Variants in ZNF385B observed in about 807,000 individuals in gnomAD.
ZNF385B encodes zinc finger protein 533.
ZNF385B carries 23 observed loss-of-function variants against 39.2 expected under a neutral mutation model. The ratio of observed to expected loss-of-function variants is 0.59; its 90% CI spans 0.42 to 0.83. The LOEUF is 0.83. ZNF385B is among the 40% of genes least tolerant of loss of function. The probability of loss-of-function intolerance (pLI) is 0.00; values close to 1 mark genes in which losing one functional copy is unlikely to be tolerated. For missense variants in ZNF385B, 552 were observed against 598.9 expected, an observed-to-expected ratio of 0.92 and a Z score of 0.82; for synonymous variants, 205 against 222.6, an observed-to-expected ratio of 0.92 and a Z score of 0.70.
At chr2:179,508,897 C>T (rs184913246) in intron 5 of ZNF385B, among the ~76,000 whole-genome samples, 1 of 151,238 alleles carries the variant, frequency 6.6e-6, no homozygotes, top group Non-Finnish European at 1.5e-5. Flanking sequence ...TGTATATTTC[C>T]TTGTTAGTTA....
At chr2:179,751,885 C>A (rs1702698460) in intron 3 of ZNF385B, among the ~76,000 whole-genome samples, 1 of 152,084 alleles carries the variant, frequency 6.6e-6, no homozygotes, top group Non-Finnish European at 1.5e-5. Flanking sequence ...AAAATCTACT[C>A]AAGCTCATTT....
chr2:179,707,366 C>T (rs1699684965), intron 3 of ZNF385B, among the ~76,000 whole-genome samples: 1 of 152,134 alleles, frequency 6.6e-6, no homozygotes, highest in Non-Finnish European at 1.5e-5. Flanking sequence ...TCTATGATGC[C>T]AATAATGAGG....
At chr2:179,775,866 C>T (rs1331600712) in intron 1 of ZNF385B, among the ~76,000 whole-genome samples, 2 of 152,220 alleles carry the variant, frequency 1.3e-5, no homozygotes, top group African/African-American at 4.8e-5. Flanking sequence ...GACACAGCTG[C>T]TTCTCTGCAA....
At chr2:179,706,463 C>T (rs1210781399) in intron 3 of ZNF385B, among the ~76,000 whole-genome samples, 1 of 152,044 alleles carries the variant, frequency 6.6e-6, no homozygotes, top group Admixed American at 6.6e-5. Flanking sequence ...CAAAGAAAAT[C>T]CTATGAGCAT....
chr2:179,739,869 G>A (rs560303101), intron 3 of ZNF385B, among the ~76,000 whole-genome samples: 2 of 152,184 alleles, frequency 1.3e-5, no homozygotes, highest in African/African-American at 4.8e-5. Flanking sequence ...TACTGCAAGA[G>A]TGGTATTCAT....
chr2:179,725,145 C>A (rs184365322), intron 3 of ZNF385B, among the ~76,000 whole-genome samples: 1 of 151,878 alleles, frequency 6.6e-6, no homozygotes, highest in Non-Finnish European at 1.5e-5. Context: ...AGATCAGGAG[C>A]CACAGCTATT....
chr2:179,775,433 T>C (rs1166290631), intron 1 of ZNF385B, among the ~76,000 whole-genome samples: 1 of 152,218 alleles, frequency 6.6e-6, no homozygotes, highest in Non-Finnish European at 1.5e-5. Context: ...CCAAAATACT[T>C]TGAACTTCTT....
At chr2:179,509,070 C>T (rs981262717) in intron 5 of ZNF385B, among the ~76,000 whole-genome samples, 3 of 151,848 alleles carry the variant, frequency 2.0e-5, no homozygotes, top group Non-Finnish European at 2.9e-5. Flanking sequence ...CCTCAGCCTC[C>T]CAAGTAGCTG....
intron 3 of ZNF385B, among the ~76,000 whole-genome samples, chr2:179,697,528 C>T: frequency 6.6e-6 from 1 of 152,114 alleles, no homozygotes; most frequent in Non-Finnish European, 1.5e-5. Flanking sequence ...AACCTTTTTC[C>T]TTTATAAATT....
intron 3 of ZNF385B, among the ~76,000 whole-genome samples, chr2:179,739,562 T>C (rs1701968598): frequency 6.6e-6 from 1 of 152,212 alleles, no homozygotes; most frequent in Admixed American, 6.5e-5. Flanking sequence ...TAGTTTATTT[T>C]TACTTCAGTT....
chr2:179,486,917 AAAAAAACAAAAAAC>A (rs1286562633), intron 5 of ZNF385B, among the ~76,000 whole-genome samples: 2 of 152,202 alleles, frequency 1.3e-5, no homozygotes, highest in African/African-American at 4.8e-5. Context: ...CTCCGTCTCA[AAAAAAACAAAAAAC>A]AAAAAACAAA....
At chr2:179,622,433 C>T (rs1376339383) in intron 3 of ZNF385B, among the ~76,000 whole-genome samples, 1 of 152,116 alleles carries the variant, frequency 6.6e-6, no homozygotes, top group African/African-American at 2.4e-5. Context: ...TATCTAATGA[C>T]ACTGGAAAAT....
At chr2:179,578,085 G>A (rs1437487521) in intron 3 of ZNF385B, among the ~76,000 whole-genome samples, 1 of 152,078 alleles carries the variant, frequency 6.6e-6, no homozygotes, top group South Asian at 2.1e-4. Flanking sequence ...ATGTGTGTTT[G>A]TGCATCCATA....
At chr2:179,757,733 G>T (rs1456225714) in intron 3 of ZNF385B, among the ~76,000 whole-genome samples, 4 of 152,198 alleles carry the variant, frequency 2.6e-5, no homozygotes, top group African/African-American at 9.7e-5. Context: ...CAATGAGCGA[G>T]GCTCCGTGGG....
At chr2:179,585,504 C>A (rs2106050672) in intron 3 of ZNF385B, among the ~76,000 whole-genome samples, 1 of 152,202 alleles carries the variant, frequency 6.6e-6, no homozygotes, top group South Asian at 2.1e-4. Flanking sequence ...TATAGGGCTC[C>A]CTTTAAAAAG....
In ZNF385B at chr2:179,502,602, C is replaced by G. The variant is rs61273909; in HGVS notation, c.552+15926G>C. Among the ~76,000 whole-genome samples the G allele has an allele frequency of 4.4e-3, 663 of 152,236 alleles. 7 individuals carry two copies. Among genetic ancestry groups the G allele is most frequent in the African/African-American group, 0.015 (633 of 41,554 alleles). ...GCCTTCTGCCATGATTGTAAGTTTC[C>G]TGAGGCCTCCCCAGAAGCAGAAGCC... On this transcript the variant is annotated intron_variant, in intron 5 of 9. Transcript: ENST00000410066.
intron 5 of ZNF385B, among the ~76,000 whole-genome samples, chr2:179,494,753 G>A (rs759137114): frequency 5.9e-5 from 9 of 151,900 alleles, no homozygotes; most frequent in Admixed American, 1.3e-4. Context: ...TGCCTATCAA[G>A]CAAATGTATA....
At chr2:179,672,784 C>T (rs904525151) in intron 3 of ZNF385B, among the ~76,000 whole-genome samples, 4 of 152,164 alleles carry the variant, frequency 2.6e-5, no homozygotes, top group South Asian at 4.1e-4. Context: ...CTTGGAATTC[C>T]CAGCCTCAGA....
chr2:179,714,773 C>T (rs924981671), intron 3 of ZNF385B, among the ~76,000 whole-genome samples: 2 of 151,590 alleles, frequency 1.3e-5, no homozygotes, highest in Non-Finnish European at 2.9e-5. Context: ...TGGTGAAAAC[C>T]TATCTCTACT....
Sources: allele counts gnomAD v4.1 joint callset (sites outside exome capture counted in the v4.1 genomes callset), GRCh38; gene constraint gnomAD v4.1.1; transcripts MANE v1.5; gene names NCBI Gene and HGNC (gene_info 2026-07-23, HGNC 2026-07-21).